The following CAMK1D variants were observed in gnomAD, a reference collection of about 807,000 sequenced individuals.
The protein encoded by CAMK1D is calcium/calmodulin dependent protein kinase ID.
In CAMK1D, 9 loss-of-function variants were observed where a neutral mutation model predicts 47.7. That is an observed-to-expected ratio of 0.19 (90% CI 0.11 to 0.33). The LOEUF is 0.33. CAMK1D is among the 10% of genes least tolerant of loss of function. The pLI, the probability that CAMK1D is intolerant of heterozygous loss-of-function variation, is 1.00. For missense variants in CAMK1D, 291 were observed against 488.7 expected, an observed-to-expected ratio of 0.60 and a Z score of 3.81; for synonymous variants, 184 against 184.9, an observed-to-expected ratio of 0.99 and a Z score of 0.04.
intron 1 of CAMK1D, chr10:12,415,836 C>T (rs1175671125): frequency 6.9e-6 from 1 of 145,918 alleles, no homozygotes; most frequent in South Asian, 2.1e-4. Flanking sequence ...GACAAGGTCT[C>T]GCTCTGTTGT....
intron 6 of CAMK1D, among the ~76,000 whole-genome samples, chr10:12,793,914 C>T (rs973846331): frequency 3.3e-5 from 5 of 152,208 alleles, no homozygotes; most frequent in African/African-American, 1.2e-4. Context: ...GACAATACAT[C>T]AGAAAGCGAC....
chr10:12,710,433 A>T (rs888278766), intron 3 of CAMK1D, among the ~76,000 whole-genome samples: 2 of 152,250 alleles, frequency 1.3e-5, no homozygotes, highest in African/African-American at 4.8e-5. Flanking sequence ...GCTATGGAAA[A>T]TATGAACATG....
intron 10 of CAMK1D, among the ~76,000 whole-genome samples, chr10:12,828,451 G>A (rs923297929): frequency 1.3e-5 from 2 of 152,158 alleles, no homozygotes; most frequent in African/African-American, 4.8e-5. Context: ...GACCAGCCTG[G>A]CCAACATGGT....
intron 1 of CAMK1D, among the ~76,000 whole-genome samples, chr10:12,551,998 C>G (rs1011730210): frequency 2.0e-5 from 3 of 152,200 alleles, no homozygotes; most frequent in Non-Finnish European, 4.4e-5. Context: ...GAGAACGACT[C>G]AGTGGGCTGT....
At chr10:12,569,360 A>G (rs924524956) in intron 2 of CAMK1D, among the ~76,000 whole-genome samples, 2 of 152,084 alleles carry the variant, frequency 1.3e-5, no homozygotes, top group Non-Finnish European at 2.9e-5. Flanking sequence ...GTTATTTCGA[A>G]CTCTGTTTAC....
intron 5 of CAMK1D, among the ~76,000 whole-genome samples, chr10:12,780,937 C>G (rs753576793): frequency 6.6e-6 from 1 of 152,166 alleles, no homozygotes; most frequent in Non-Finnish European, 1.5e-5. Flanking sequence ...GACAGGGCCC[C>G]CTAAGTGGGG....
At chr10:12,401,447 A>G (rs1839220613) in intron 1 of CAMK1D, among the ~76,000 whole-genome samples, 1 of 148,418 alleles carries the variant, frequency 6.7e-6, no homozygotes, top group Non-Finnish European at 1.5e-5. Flanking sequence ...CCTAATAGCT[A>G]CTTAATCAGT....
intron 1 of CAMK1D, among the ~76,000 whole-genome samples, chr10:12,422,014 C>T (rs1469018576): frequency 1.3e-5 from 2 of 152,038 alleles, no homozygotes; most frequent in Non-Finnish European, 2.9e-5. Context: ...TCACCATGTT[C>T]GTCAGGCTGG....
chr10:12,730,533 T>G (rs1191478354), intron 3 of CAMK1D, among the ~76,000 whole-genome samples: 1 of 152,070 alleles, frequency 6.6e-6, no homozygotes, highest in Non-Finnish European at 1.5e-5. Flanking sequence ...CATTGGTGTA[T>G]TGATTTGAAC....
At chr10:12,699,374 G>T (rs1395561501) in intron 3 of CAMK1D, among the ~76,000 whole-genome samples, 2 of 152,070 alleles carry the variant, frequency 1.3e-5, no homozygotes, top group South Asian at 4.1e-4. Flanking sequence ...GGGAAAAAGC[G>T]TTGTACTGGG....
chr10:12,522,190 CCTTTTTTTTTCTTT>C (rs1835439127), intron 1 of CAMK1D, among the ~76,000 whole-genome samples: 2 of 37,122 alleles, frequency 5.4e-5, no homozygotes, highest in Non-Finnish European at 1.3e-4. Flanking sequence ...TGATATATTT[CCTTTTTTTTTCTTT>C]TTTTTTTTTT....
intron 2 of CAMK1D, among the ~76,000 whole-genome samples, chr10:12,632,672 A>G (rs564078658): frequency 4.5e-4 from 69 of 152,254 alleles, no homozygotes; most frequent in African/African-American, 1.6e-3. Context: ...TGGACTGCTC[A>G]TGTGTTCAGT....
At chr10:12,820,646 G>T (rs1334695687) in intron 8 of CAMK1D, among the ~76,000 whole-genome samples, 1 of 152,172 alleles carries the variant, frequency 6.6e-6, no homozygotes, top group East Asian at 1.9e-4. Flanking sequence ...GGCGAGGGAG[G>T]CCTTGGCAAT....
chr10:12,727,790 G>C (rs112297792), intron 3 of CAMK1D, among the ~76,000 whole-genome samples: 3,426 of 144,872 alleles, frequency 0.024, 140 homozygotes, highest in African/African-American at 0.078. Flanking sequence ...TTGAGACTGA[G>C]TCTCGCTCTG....
At chr10:12,649,126 C>T (rs1000300469) in intron 2 of CAMK1D, among the ~76,000 whole-genome samples, 1 of 152,220 alleles carries the variant, frequency 6.6e-6, no homozygotes, top group African/African-American at 2.4e-5. Context: ...CTTTGTCTCT[C>T]GAGTAGCTGG....
intron 1 of CAMK1D, among the ~76,000 whole-genome samples, chr10:12,354,697 G>A (rs1174080367): frequency 1.3e-5 from 2 of 151,652 alleles, no homozygotes; most frequent in East Asian, 2.0e-4. Context: ...GACGTGAGCC[G>A]CCGCGCCCAG....
At chr10:12,721,819 C>T (rs960841692) in intron 3 of CAMK1D, among the ~76,000 whole-genome samples, 3 of 152,130 alleles carry the variant, frequency 2.0e-5, no homozygotes, top group Admixed American at 6.5e-5. Context: ...GCACTGGTTA[C>T]GGACATGGCC....
chr10:12,692,366 A>C (rs1480071357), intron 3 of CAMK1D, among the ~76,000 whole-genome samples: 1 of 152,216 alleles, frequency 6.6e-6, no homozygotes, highest in African/African-American at 2.4e-5. Context: ...TGTTAGGGAA[A>C]ATATTTCAGG....
chr10:12,366,433 T>G (rs75928499), intron 1 of CAMK1D, among the ~76,000 whole-genome samples: 13,774 of 151,658 alleles, frequency 0.091, 837 homozygotes, highest in East Asian at 0.26. Context: ...GGTGGGTGAA[T>G]CACTTGAGGA....
Sources: gnomAD v4.1 joint callset for allele counts (sites outside exome capture counted in the v4.1 genomes callset) on GRCh38, gnomAD v4.1.1 for gene constraint, MANE v1.5 for transcripts, NCBI Gene and HGNC (gene_info 2026-07-23, HGNC 2026-07-21) for gene names.